The following DPH7 variants were observed in gnomAD, a reference collection of about 807,000 sequenced individuals.
DPH7 encodes the protein diphthine methyltransferase.
DPH7 carries 44 observed loss-of-function variants against 41.7 expected under a neutral mutation model. That is an observed-to-expected ratio of 1.05 (90% confidence interval 0.83 to 1.36). The LOEUF (loss-of-function observed/expected upper bound fraction) is 1.36, where lower values mean the gene tolerates loss of function less well. Ranked by LOEUF, DPH7 falls within the 40% of genes most tolerant of loss-of-function variation. The pLI, the probability that DPH7 is intolerant of heterozygous loss-of-function variation, is 0.00. For synonymous variants in DPH7, 275 were observed against 238.0 expected, an observed-to-expected ratio of 1.16 and a Z score of -1.43; for missense variants, 629 against 577.5, an observed-to-expected ratio of 1.09 and a Z score of -0.91.
chr9:137,559,304 G>A (rs1838090022), intron 8 of DPH7, among the ~76,000 whole-genome samples: 1 of 152,320 alleles, frequency 6.6e-6, no homozygotes, highest in Admixed American at 6.5e-5. Flanking sequence ...TTGGTCTAGC[G>A]GTGACGCCAG....
chr9:137,557,913 T>C (rs1392033997), intron 8 of DPH7, among the ~76,000 whole-genome samples: 1 of 152,136 alleles, frequency 6.6e-6, no homozygotes, highest in East Asian at 1.9e-4. Context: ...GGCGGGTTGA[T>C]CACCTGAGGT....
intron 5 of DPH7, among the ~76,000 whole-genome samples, chr9:137,570,718 C>A (rs1052265252): frequency 2.6e-5 from 4 of 152,192 alleles, no homozygotes; most frequent in Non-Finnish European, 4.4e-5. Flanking sequence ...TCCGCTACTG[C>A]CTCAGGTCAT....
intron 5 of DPH7, among the ~76,000 whole-genome samples, chr9:137,569,661 C>T (rs1253527378): frequency 2.1e-5 from 3 of 144,246 alleles, no homozygotes; most frequent in African/African-American, 7.8e-5. Context: ...ATCCACCATC[C>T]ACCACCCACG....
chr9:137,578,554 T>G, intron 1 of DPH7, 71 bp downstream of exon 1: 3 of 1,385,880 alleles, frequency 2.2e-6, no homozygotes, highest in Non-Finnish European at 2.8e-6. Context: ...TCCTGGGCGA[T>G]TCGGTGCGCC....
chr9:137,572,832 A>G (rs1840671281), intron 5 of DPH7, among the ~76,000 whole-genome samples: 1 of 152,234 alleles, frequency 6.6e-6, no homozygotes, highest in South Asian at 2.1e-4. Context: ...AAGATAAACT[A>G]TATCCAAAAA....
At chr9:137,574,562 C>T in intron 4 of DPH7, 182 bp from the exon 5 acceptor site, 1 of 838,074 alleles carries the variant, frequency 1.2e-6, no homozygotes, top group Non-Finnish European at 1.9e-6. Context: ...GTCGACTTCT[C>T]TAGGTAAAAA....
chr9:137,564,998 C>T (rs1170538644), intron 6 of DPH7, 40 bp from the exon 7 acceptor site: 31 of 1,603,506 alleles, frequency 1.9e-5, no homozygotes, highest in African/African-American at 1.7e-4. Flanking sequence ...GTCCAGCACA[C>T]AGACCCACCC....
chr9:137,563,635 G>A (rs930515774), intron 8 of DPH7, among the ~76,000 whole-genome samples: 2 of 152,152 alleles, frequency 1.3e-5, no homozygotes, highest in African/African-American at 4.8e-5. Context: ...AACAGGTGTG[G>A]GTCACCCACC....
chr9:137,559,431 A>G (rs1433627490), intron 8 of DPH7, among the ~76,000 whole-genome samples: 1 of 152,062 alleles, frequency 6.6e-6, no homozygotes, highest in Non-Finnish European at 1.5e-5. Flanking sequence ...TCCCCGGGGG[A>G]GTTTAGAGAA....
Position 137,575,133 on chromosome 9 carries a change from G to C in DPH7, c.376-290C>G. 4 of 1,136,924 alleles carry C rather than the reference G, an allele frequency of 3.5e-6. No homozygotes were observed. In the South Asian group the frequency reaches 7.5e-5, roughly 21 times the overall value. 70.4% of individuals were successfully genotyped at this position (1,136,924 alleles called of 1,614,324 possible). Reference sequence around the variant, plus strand: ...TTTCACACCCCCTTGCCATCCTTGCGCTCCTAGATGCTGTCGAGATGCCTG... The same window carrying C: ...TTTCACACCCCCTTGCCATCCTTGCCCTCCTAGATGCTGTCGAGATGCCTG... On this transcript the variant is annotated intron_variant, in intron 3 of 8. Transcript: ENST00000277540.
chr9:137,560,682 G>A (rs1373812022), intron 8 of DPH7, among the ~76,000 whole-genome samples: 4 of 152,074 alleles, frequency 2.6e-5, no homozygotes, highest in East Asian at 3.8e-4. Flanking sequence ...GTGAAACCCC[G>A]TCTCTACTAA....
intron 5 of DPH7, among the ~76,000 whole-genome samples, chr9:137,569,179 C>T (rs1011534425): frequency 3.3e-5 from 5 of 151,986 alleles, no homozygotes; most frequent in African/African-American, 1.2e-4. Context: ...AGGAAAACGT[C>T]TAGGCCTAAC....
At chr9:137,559,554 T>A (rs553058864) in intron 8 of DPH7, among the ~76,000 whole-genome samples, 262 of 152,312 alleles carry the variant, frequency 1.7e-3, no homozygotes, top group Admixed American at 3.9e-3. Context: ...TCACGCTCCT[T>A]GTCCGCCTTC....
chr9:137,555,547 C>G lies in DPH7; in HGVS notation c.1051G>C (p.Ala351Pro). The G allele has an allele frequency of 1.2e-6, 2 of 1,614,024 alleles. No homozygotes were observed. Among genetic ancestry groups the G allele is most frequent in the Non-Finnish European group, 1.7e-6 (2 of 1,180,006 alleles). The change falls in exon 9 of 9, where the codon GCC becomes CCC. Residue 351 changes from alanine to proline, a missense_variant. Coordinates refer to ENST00000277540, the MANE Select transcript of DPH7 (RefSeq NM_138778.5). ...SWLLFRSLQRAPSWSFPSNLG... is the reference protein window; with the variant it reads ...SWLLFRSLQRPPSWSFPSNLG... ...TTGCTAGGAAAGGACCACGAGGGGG[C>G]CCGCTGCAGAGAACGGAAGAGCAGC...
intron 5 of DPH7, among the ~76,000 whole-genome samples, chr9:137,572,229 A>AAGGAAAC (rs1840560213): frequency 6.6e-6 from 1 of 152,202 alleles, no homozygotes; most frequent in African/African-American, 2.4e-5. Flanking sequence ...TTCACCCATG[A>AAGGAAAC]AGGAAACATC....
At chr9:137,575,560 GGAGT>G (rs1357052445) in intron 3 of DPH7, 1 of 993,560 alleles carries the variant, frequency 1.0e-6, no homozygotes, top group Non-Finnish European at 1.2e-6. Flanking sequence ...CATCTGCATC[GGAGT>G]GAGGGCGTGG....
In DPH7 at chr9:137,563,974, G is replaced by T. The variant is rs113570596; in HGVS notation, c.949+460C>A. On this transcript the variant is annotated intron_variant, in intron 8 of 8. Transcript: ENST00000277540. ...GGCTCAACCAGAATCAGAGGTGCTTGTTCCCAACAAAACAACACTGGGTTC... is the reference window on the plus strand; with the variant it reads ...GGCTCAACCAGAATCAGAGGTGCTTTTTCCCAACAAAACAACACTGGGTTC... Among the ~76,000 whole-genome samples the T allele has an allele frequency of 1.7e-4, 26 of 152,310 alleles. 1 individual carries two copies. Among genetic ancestry groups the T allele is most frequent in the African/African-American group, 4.8e-4 (20 of 41,570 alleles).
At chr9:137,557,335 G>A (rs1156650960) in intron 8 of DPH7, among the ~76,000 whole-genome samples, 15 of 152,096 alleles carry the variant, frequency 9.9e-5, no homozygotes, top group Non-Finnish European at 1.3e-4. Context: ...GTGAAACCCC[G>A]TGTCTATTAA....
chr9:137,578,526 C>T lies in DPH7; in HGVS notation c.153+99G>A, dbSNP rs192998685. On this transcript the variant is annotated intron_variant, in intron 1 of 8. Coordinates refer to ENST00000277540, the MANE Select transcript of DPH7 (RefSeq NM_138778.5). ...CCAGCCTACCTCCTGGCCAAAGGGC[C>T]AATATCCCCTCTTCATCTCCTGGGC... 48 of 1,286,844 alleles carry T rather than the reference C, an allele frequency of 3.7e-5. 1 individual carries two copies. Among genetic ancestry groups the T allele is most frequent in the Non-Finnish European group, 5.1e-6 (5 of 989,452 alleles). The allele number at this position is 1,286,844 out of a possible 1,614,324, so 79.7% of individuals were successfully genotyped here. A position where few individuals can be genotyped will look rare whatever the true frequency, so the allele number is the denominator to read the frequency against.
Sources: gnomAD v4.1 joint callset for allele counts (sites outside exome capture counted in the v4.1 genomes callset) on GRCh38, gnomAD v4.1.1 for gene constraint, MANE v1.5 for transcripts, NCBI Gene and HGNC (gene_info 2026-07-23, HGNC 2026-07-21) for gene names.